NUBPL: variants seen among roughly 807,000 people sequenced by gnomAD.
NUBPL encodes the protein NUBP iron-sulfur cluster assembly factor, mitochondrial.
In NUBPL, 31 loss-of-function variants were observed where a neutral mutation model predicts 45.7. The ratio of observed to expected loss-of-function variants is 0.68; its 90% CI spans 0.51 to 0.92. The LOEUF (loss-of-function observed/expected upper bound fraction) is 0.92, where lower values mean the gene tolerates loss of function less well. Among genes scored for constraint, NUBPL ranks in the 40% least tolerant of loss-of-function variants. The pLI is 0.00. For synonymous variants in NUBPL, 144 were observed against 140.9 expected (o/e 1.02, Z -0.15); for missense variants, 401 against 398.7 (o/e 1.01, Z -0.05).
At chr14:31,574,357 C>T (rs1310406212) in intron 3 of NUBPL, among the ~76,000 whole-genome samples, 6 of 151,620 alleles carry the variant, frequency 4.0e-5, no homozygotes, top group African/African-American at 1.5e-4. Context: ...CTCTGTCTCC[C>T]GGGTTCAGGG....
At chr14:31,673,301 T>G in intron 4 of NUBPL, 54 bp from the exon 5 acceptor site, 2 of 1,438,114 alleles carry the variant, frequency 1.4e-6, no homozygotes, top group African/African-American at 1.5e-5. Context: ...CAATTCAGAA[T>G]GTTTATGTGT....
chr14:31,636,022 C>G (rs915999546), intron 4 of NUBPL, among the ~76,000 whole-genome samples: 1 of 152,124 alleles, frequency 6.6e-6, no homozygotes, highest in African/African-American at 2.4e-5. Flanking sequence ...AATATACAAT[C>G]ATGTCATCTG....
At chr14:31,673,279 G>GAA in intron 4 of NUBPL, 76 bp from the exon 5 acceptor site, 1 of 1,277,006 alleles carries the variant, frequency 7.8e-7, no homozygotes, top group Admixed American at 2.5e-5. Context: ...TTAAAAAGAT[G>GAA]AAAAAAAAAC....
At chr14:31,607,843 C>T (rs2034643661) in intron 4 of NUBPL, among the ~76,000 whole-genome samples, 1 of 151,980 alleles carries the variant, frequency 6.6e-6, no homozygotes, top group Non-Finnish European at 1.5e-5. Flanking sequence ...AATAACAGAT[C>T]ACTTCCAAAA....
At chr14:31,856,933 G>C (rs953219399) in intron 10 of NUBPL, among the ~76,000 whole-genome samples, 1 of 152,162 alleles carries the variant, frequency 6.6e-6, no homozygotes. Flanking sequence ...CCATTGTGGG[G>C]TCTGGAGGAT....
intron 2 of NUBPL, chr14:31,562,712 C>T (rs1287375930): frequency 6.6e-6 from 1 of 150,678 alleles, no homozygotes; most frequent in East Asian, 1.9e-4. Context: ...TCACGCCATT[C>T]TCCTGCCTCA....
chr14:31,711,207 G>A (rs890202031), intron 6 of NUBPL, among the ~76,000 whole-genome samples: 1 of 152,122 alleles, frequency 6.6e-6, no homozygotes, highest in South Asian at 2.1e-4. Context: ...CCTCTCTGTC[G>A]ACCCTTGGCT....
chr14:31,659,175 G>C (rs929827952), intron 4 of NUBPL, among the ~76,000 whole-genome samples: 2 of 152,166 alleles, frequency 1.3e-5, no homozygotes, highest in African/African-American at 4.8e-5. Flanking sequence ...TATCTAAAGT[G>C]TCTAAAATAA....
chr14:31,793,075 A>G (rs986168439), intron 7 of NUBPL, among the ~76,000 whole-genome samples: 2 of 152,132 alleles, frequency 1.3e-5, no homozygotes, highest in African/African-American at 4.8e-5. Context: ...CTTTTAAGAT[A>G]CTCTGTGTTC....
chr14:31,745,987 G>A (rs1000188967), intron 6 of NUBPL, among the ~76,000 whole-genome samples: 3 of 151,958 alleles, frequency 2.0e-5, no homozygotes, highest in Admixed American at 6.5e-5. Context: ...ATTGGTGGGC[G>A]GATGCTGGGG....
chr14:31,608,646 G>A (rs2034669290), intron 4 of NUBPL, among the ~76,000 whole-genome samples: 1 of 152,172 alleles, frequency 6.6e-6, no homozygotes, highest in Admixed American at 6.5e-5. Context: ...GTAATAGTAA[G>A]TATGCAGGGA....
At chr14:31,629,607 A>G (rs1458666927) in intron 4 of NUBPL, among the ~76,000 whole-genome samples, 1 of 152,210 alleles carries the variant, frequency 6.6e-6, no homozygotes, top group Non-Finnish European at 1.5e-5. Flanking sequence ...ATAGCAGTAT[A>G]ATGTATTTTA....
chr14:31,797,802 A>G (rs372306176), intron 7 of NUBPL, among the ~76,000 whole-genome samples: 1 of 140,300 alleles, frequency 7.1e-6, no homozygotes, highest in Non-Finnish European at 1.5e-5. Flanking sequence ...GATTTTGCTC[A>G]TTAGTTGATG....
At chr14:31,718,685 C>T (rs2037741536) in intron 6 of NUBPL, among the ~76,000 whole-genome samples, 1 of 152,064 alleles carries the variant, frequency 6.6e-6, no homozygotes. Context: ...CAGTCATATA[C>T]CTTTGTGTCA....
intron 6 of NUBPL, among the ~76,000 whole-genome samples, chr14:31,697,835 C>T (rs2037246345): frequency 6.6e-6 from 1 of 152,054 alleles, no homozygotes; most frequent in African/African-American, 2.4e-5. Context: ...CTTGCTGAGC[C>T]TTTAGGAGAG....
intron 7 of NUBPL, among the ~76,000 whole-genome samples, chr14:31,818,182 G>C (rs2039954843): frequency 6.6e-6 from 1 of 152,082 alleles, no homozygotes; most frequent in Non-Finnish European, 1.5e-5. Flanking sequence ...CCTACAAAGA[G>C]ACTTAGACTC....
intron 6 of NUBPL, among the ~76,000 whole-genome samples, chr14:31,751,444 GC>G (rs2038527379): frequency 6.6e-6 from 1 of 152,258 alleles, no homozygotes; most frequent in African/African-American, 2.4e-5. Flanking sequence ...AAACAATGGG[GC>G]CACAGGCCCC....
intron 6 of NUBPL, among the ~76,000 whole-genome samples, chr14:31,702,821 A>C (rs1049973099): frequency 6.6e-6 from 1 of 152,028 alleles, no homozygotes; most frequent in African/African-American, 2.4e-5. Context: ...AAAAGAAAAA[A>C]TTTTCATCTT....
chr14:31,712,461 C>T (rs1170833237), intron 6 of NUBPL, among the ~76,000 whole-genome samples: 2 of 152,362 alleles, frequency 1.3e-5, no homozygotes, highest in Admixed American at 1.3e-4. Context: ...CCACCCAGAA[C>T]CTGTGCCAGC....
Sources: allele counts gnomAD v4.1 joint callset (sites outside exome capture counted in the v4.1 genomes callset), GRCh38; gene constraint gnomAD v4.1.1; transcripts MANE v1.5; gene names NCBI Gene and HGNC (gene_info 2026-07-23, HGNC 2026-07-21).